ASIC2: variants seen among roughly 807,000 people sequenced by gnomAD.
The protein encoded by ASIC2 is acid-sensing ion channel 2.
In ASIC2, 25 loss-of-function variants were observed where a neutral mutation model predicts 57.3. That is an observed-to-expected ratio of 0.44 (90% CI 0.32 to 0.61). The LOEUF is 0.61. ASIC2 is among the 20% of genes least tolerant of loss of function. ASIC2 has a pLI of 0.06. For missense variants in ASIC2, 641 were observed against 738.1 expected, an observed-to-expected ratio of 0.87 and a Z score of 1.52; for synonymous variants, 319 against 307.5, an observed-to-expected ratio of 1.04 and a Z score of -0.39.
intron 3 of ASIC2, among the ~76,000 whole-genome samples, chr17:33,076,874 A>C (rs1163848409): frequency 6.6e-6 from 1 of 152,216 alleles, no homozygotes; most frequent in East Asian, 1.9e-4. Context: ...TCATACAAAC[A>C]GTGCTGCAGG....
intron 1 of ASIC2, among the ~76,000 whole-genome samples, chr17:34,093,999 T>A (rs944873991): frequency 6.6e-6 from 1 of 152,134 alleles, no homozygotes; most frequent in Non-Finnish European, 1.5e-5. Context: ...GCAGCGCACA[T>A]GCTACAACGG....
intron 1 of ASIC2, chr17:33,634,731 T>C (rs1277883702): frequency 6.7e-6 from 1 of 149,960 alleles, no homozygotes; most frequent in Non-Finnish European, 1.5e-5. Context: ...TTTTTTGTAT[T>C]TTTAGTAGTG....
intron 1 of ASIC2, among the ~76,000 whole-genome samples, chr17:33,818,633 G>A (rs1251719698): frequency 6.6e-6 from 1 of 152,208 alleles, no homozygotes; most frequent in Non-Finnish European, 1.5e-5. Context: ...AATGGGTAGG[G>A]ATGCTGCTGA....
chr17:33,652,165 A>C (rs1490930), intron 1 of ASIC2, among the ~76,000 whole-genome samples: 7,482 of 152,256 alleles, frequency 0.049, 218 homozygotes, highest in South Asian at 0.13. Context: ...GGACAATAGG[A>C]TCAGGACCTA....
rs34246394 is a variant in ASIC2 at position 33,025,963 on chromosome 17, G to C, written c.1158C>G (p.Thr386=). ...CTGCACACTCCTTGTGCTGCTCAGG[G>C]GTACAAAAAGGGGCATCCCCTGCAA... is the stretch of plus-strand genomic sequence containing the variant. ...VHMPGDAPFC[T]PEQHKECAEP... is the part of the protein sequence containing the mutation. The change falls in exon 5 of 10, where the codon ACC becomes ACG. Residue 386 remains threonine, a synonymous_variant. Transcript: ENST00000225823. The C allele has an allele frequency of 2.9e-5, 46 of 1,613,510 alleles. No homozygotes were observed. In the African/African-American group the frequency reaches 5.7e-4, roughly 20 times the overall value.
At chr17:34,033,192 A>C (rs988632780) in intron 1 of ASIC2, among the ~76,000 whole-genome samples, 1 of 152,246 alleles carries the variant, frequency 6.6e-6, no homozygotes, top group Non-Finnish European at 1.5e-5. Flanking sequence ...AGCAAACTAG[A>C]ACTCAGGATT....
intron 1 of ASIC2, among the ~76,000 whole-genome samples, chr17:34,009,452 AAAATATCTCTT>A (rs1373379737): frequency 6.6e-6 from 1 of 152,242 alleles, no homozygotes; most frequent in East Asian, 1.9e-4. Context: ...AAAAGAATAT[AAAATATCTCTT>A]TAATAATTTT....
chr17:34,078,382 C>T (rs1445441613), intron 1 of ASIC2, among the ~76,000 whole-genome samples: 3 of 152,088 alleles, frequency 2.0e-5, no homozygotes, highest in Non-Finnish European at 1.5e-5. Context: ...CACAGCTGAG[C>T]CCATGAGGGG....
intron 1 of ASIC2, among the ~76,000 whole-genome samples, chr17:34,113,406 A>G (rs1911335280): frequency 1.3e-5 from 2 of 151,898 alleles, no homozygotes; most frequent in African/African-American, 4.8e-5. Context: ...ACTAGAAATC[A>G]AAAAGTTAGT....
In ASIC2 at chr17:34,031,112, C is replaced by A. The variant is rs866959931; in HGVS notation, c.555+124866G>T. 7.2e-4 allele frequency among the ~76,000 whole-genome samples: 109 copies of A among 152,316 alleles called. 1 individual carries two copies. Among genetic ancestry groups the A allele is most frequent in the African/African-American group, 2.4e-3 (100 of 41,578 alleles). ...AGCAGCCTAACTGGGAGGCACCCCCCAGTAGGGGCAGACTGACAATTCACA... is the reference window on the plus strand; with the variant it reads ...AGCAGCCTAACTGGGAGGCACCCCCAAGTAGGGGCAGACTGACAATTCACA... On this transcript the variant is annotated intron_variant, in intron 1 of 9. Transcript: ENST00000359872.
intron 1 of ASIC2, among the ~76,000 whole-genome samples, chr17:33,656,043 A>G (rs1334642993): frequency 6.6e-6 from 1 of 152,128 alleles, no homozygotes; most frequent in Non-Finnish European, 1.5e-5. Flanking sequence ...GGCCCTTAGG[A>G]TATCTGTAAC....
chr17:33,947,663 G>C (rs1904428198), intron 1 of ASIC2, among the ~76,000 whole-genome samples: 1 of 152,188 alleles, frequency 6.6e-6, no homozygotes. Context: ...GATCCATTGA[G>C]GATGAAGATG....
At chr17:33,964,108 T>C (rs1905006249) in intron 1 of ASIC2, among the ~76,000 whole-genome samples, 1 of 152,216 alleles carries the variant, frequency 6.6e-6, no homozygotes, top group Non-Finnish European at 1.5e-5. Context: ...ACACTCTTTG[T>C]GCTATGCCCA....
At chr17:34,079,300 C>G (rs1281125650) in intron 1 of ASIC2, among the ~76,000 whole-genome samples, 1 of 152,198 alleles carries the variant, frequency 6.6e-6, no homozygotes, top group Non-Finnish European at 1.5e-5. Context: ...GAAGCCCATG[C>G]AATTTTCATC....
intron 1 of ASIC2, among the ~76,000 whole-genome samples, chr17:33,274,126 C>T (rs975545470): frequency 6.6e-6 from 1 of 152,158 alleles, no homozygotes; most frequent in African/African-American, 2.4e-5. Context: ...TGGCCTTGGG[C>T]AAGTGATGTG....
chr17:33,383,061 C>CA (rs975457841), intron 1 of ASIC2, among the ~76,000 whole-genome samples: 11 of 101,448 alleles, frequency 1.1e-4, no homozygotes, highest in Non-Finnish European at 1.8e-4. Flanking sequence ...ACACCACACA[C>CA]AAAAAAACAA....
intron 1 of ASIC2, among the ~76,000 whole-genome samples, chr17:34,036,237 C>G (rs1239716891): frequency 1.3e-5 from 2 of 151,756 alleles, no homozygotes. Context: ...ATCAATGAAA[C>G]TGGAAACCAT....
chr17:33,856,359 T>C (rs909779613), intron 1 of ASIC2, among the ~76,000 whole-genome samples: 1 of 102,594 alleles, frequency 9.7e-6, no homozygotes, highest in Admixed American at 1.1e-4. Flanking sequence ...ACAGTAAAAG[T>C]TGTATGGTAG....
intron 1 of ASIC2, among the ~76,000 whole-genome samples, chr17:34,066,898 C>T (rs1370083841): frequency 6.6e-6 from 1 of 152,204 alleles, no homozygotes; most frequent in African/African-American, 2.4e-5. Flanking sequence ...GCTCCTCGGA[C>T]AGGTGGGATT....
Sources: allele counts gnomAD v4.1 joint callset (sites outside exome capture counted in the v4.1 genomes callset), GRCh38; gene constraint gnomAD v4.1.1; transcripts MANE v1.5; gene names NCBI Gene and HGNC (gene_info 2026-07-23, HGNC 2026-07-21).